The following SV2C variants were observed in gnomAD, a reference collection of about 807,000 sequenced individuals.
SV2C encodes the protein solute carrier family 22 member B3.
A neutral mutation model predicts 79.7 loss-of-function variants in SV2C; 49 were observed. That is an observed-to-expected ratio of 0.61 (90% CI 0.49 to 0.78). The LOEUF is 0.78. SV2C is among the 30% of genes least tolerant of loss of function. The pLI, the probability that SV2C is intolerant of heterozygous loss-of-function variation, is 0.00. For missense variants in SV2C, 833 were observed against 912.9 expected (o/e 0.91, Z 1.13); for synonymous variants, 334 against 333.2 (o/e 1.00, Z -0.03).
At chr5:75,887,241 C>T in the SV2C span, among the ~76,000 whole-genome samples, 1 of 151,942 alleles carries the variant, frequency 6.6e-6, no homozygotes, top group Non-Finnish European at 1.5e-5. Flanking sequence ...ACTCTTTTAG[C>T]TATTTTCAAG....
chr5:76,269,487 C>T (rs2972829), intron 4 of SV2C, among the ~76,000 whole-genome samples: 56,200 of 152,002 alleles, frequency 0.37, 11,006 homozygotes, highest in African/African-American at 0.49. Context: ...AAACAGGATG[C>T]GTGTGAGGTG....
At chr5:76,344,578 G>A (rs1023143461) in intron 12 of SV2C, among the ~76,000 whole-genome samples, 2 of 152,054 alleles carry the variant, frequency 1.3e-5, no homozygotes, top group Admixed American at 6.6e-5. Flanking sequence ...GCGTGGTGGT[G>A]CACGCCTGTA....
chr5:76,122,279 A>G (rs968458957), intron 1 of SV2C, among the ~76,000 whole-genome samples: 17 of 151,510 alleles, frequency 1.1e-4, no homozygotes, highest in Middle Eastern at 3.2e-3. Context: ...GGCTGAGACA[A>G]TGGGGTTTTC....
the SV2C span, among the ~76,000 whole-genome samples, chr5:76,024,847 G>A: frequency 6.6e-6 from 1 of 152,038 alleles, no homozygotes; most frequent in Non-Finnish European, 1.5e-5. Context: ...CCTGTGTTTG[G>A]TTGAAAAAAA....
chr5:76,212,993 A>G (rs1287596797), intron 4 of SV2C, among the ~76,000 whole-genome samples: 1 of 152,248 alleles, frequency 6.6e-6, no homozygotes, highest in Non-Finnish European at 1.5e-5. Flanking sequence ...TGGGAATCAT[A>G]AACAATGCAT....
At chr5:75,957,442 C>G in the SV2C span, among the ~76,000 whole-genome samples, 1 of 152,012 alleles carries the variant, frequency 6.6e-6, no homozygotes, top group Non-Finnish European at 1.5e-5. Context: ...GAGATTGGCA[C>G]AACCTTTTGA....
At chr5:76,159,819 GA>G (rs1309132351) in intron 2 of SV2C, among the ~76,000 whole-genome samples, 1 of 151,950 alleles carries the variant, frequency 6.6e-6, no homozygotes, top group Non-Finnish European at 1.5e-5. Flanking sequence ...GAGGTAGTGG[GA>G]GTTAATACTC....
the SV2C span, among the ~76,000 whole-genome samples, chr5:75,978,066 C>G: frequency 6.6e-6 from 1 of 152,160 alleles, no homozygotes; most frequent in Non-Finnish European, 1.5e-5. Flanking sequence ...TGGAACCATG[C>G]CTGTTAAGCA....
chr5:76,310,390 G>T (rs1349938877), intron 12 of SV2C, among the ~76,000 whole-genome samples: 2 of 152,218 alleles, frequency 1.3e-5, no homozygotes, highest in Non-Finnish European at 2.9e-5. Flanking sequence ...ATTCACAGCA[G>T]AGGCAACAGC....
At chr5:76,053,474 C>T in the SV2C span, among the ~76,000 whole-genome samples, 1 of 152,164 alleles carries the variant, frequency 6.6e-6, no homozygotes, top group Non-Finnish European at 1.5e-5. Context: ...TAACGTGTGA[C>T]AATTTATGGT....
chr5:76,005,541 A>G, the SV2C span, among the ~76,000 whole-genome samples: 1 of 152,160 alleles, frequency 6.6e-6, no homozygotes, highest in African/African-American at 2.4e-5. Flanking sequence ...CTCATTACTG[A>G]GACATGGCTG....
chr5:75,996,579 T>C, the SV2C span, among the ~76,000 whole-genome samples: 1 of 152,138 alleles, frequency 6.6e-6, no homozygotes, highest in Non-Finnish European at 1.5e-5. Context: ...TTGGGCAGTA[T>C]GGCCATTTTC....
At position 76,328,857 on chromosome 5, in the gene SV2C, C is replaced by G. The variant is rs1749088696; in HGVS notation, c.*3310C>G. The G allele has an allele frequency of 6.6e-6, 1 of 152,040 alleles. No individual in the cohort carries two copies. The highest frequency in any genetic ancestry group is 6.6e-5 in the Admixed American group (1 of 15,244). 9.4% of individuals were successfully genotyped at this position (152,040 alleles called of 1,614,324 possible). ...TCTGCTCACTGCAACCTCCGCCTCC[C>G]AGGTTCAAGTGATTCTCCCACCTCA... On this transcript the variant is annotated 3_prime_UTR_variant, in exon 13 of 13. Transcript: ENST00000502798.
chr5:75,910,485 G>A, the SV2C span: 1 of 608,642 alleles, frequency 1.6e-6, no homozygotes, highest in Non-Finnish European at 3.0e-6. Context: ...TCCTTGTATA[G>A]CTTGTGGTCT....
At chr5:76,280,770 A>G (rs1286541129) in intron 4 of SV2C, among the ~76,000 whole-genome samples, 1 of 152,200 alleles carries the variant, frequency 6.6e-6, no homozygotes, top group Non-Finnish European at 1.5e-5. Flanking sequence ...CCCCTGGCCC[A>G]GAGCAGGCTC....
chr5:76,290,158 G>T (rs1257993372), intron 6 of SV2C, among the ~76,000 whole-genome samples: 1 of 152,144 alleles, frequency 6.6e-6, no homozygotes. Context: ...TGAGCCGATT[G>T]CATTTGATTT....
the SV2C span, among the ~76,000 whole-genome samples, chr5:75,947,427 A>G: frequency 4.0e-5 from 6 of 151,894 alleles, no homozygotes; most frequent in Non-Finnish European, 8.8e-5. Context: ...CCCCTTGGAA[A>G]ATTCCATCCC....
At chr5:75,859,132 G>T in the SV2C span, among the ~76,000 whole-genome samples, 1 of 151,054 alleles carries the variant, frequency 6.6e-6, no homozygotes, top group Admixed American at 6.6e-5. Context: ...TTTGGTTTTG[G>T]TTTGCTCTTG....
chr5:76,040,655 C>T, the SV2C span, among the ~76,000 whole-genome samples: 2 of 152,026 alleles, frequency 1.3e-5, no homozygotes, highest in Admixed American at 6.6e-5. Flanking sequence ...TTGCTTCTTT[C>T]GAAGCAAATG....
Sources: allele counts gnomAD v4.1 joint callset (sites outside exome capture counted in the v4.1 genomes callset), GRCh38; gene constraint gnomAD v4.1.1; transcripts MANE v1.5; gene names NCBI Gene and HGNC (gene_info 2026-07-23, HGNC 2026-07-21).